Variants in RASAL2 observed in about 807,000 individuals in gnomAD.
RASAL2 encodes the protein ras GTPase-activating protein nGAP.
A neutral mutation model predicts 128.9 loss-of-function variants in RASAL2; 58 were observed. The ratio of observed to expected loss-of-function variants is 0.45; its 90% confidence interval spans 0.36 to 0.56. The LOEUF is 0.56. RASAL2 is among the 20% of genes least tolerant of loss of function. The probability of loss-of-function intolerance (pLI) is 0.00; values close to 1 mark genes in which losing one functional copy is unlikely to be tolerated. For synonymous variants in RASAL2, 561 were observed against 580.8 expected (o/e 0.97, Z 0.49); for missense variants, 1,360 against 1,601.6 (o/e 0.85, Z 2.57).
At chr1:178,297,155 C>T (rs1048433124) in intron 2 of RASAL2, among the ~76,000 whole-genome samples, 4 of 151,978 alleles carry the variant, frequency 2.6e-5, no homozygotes, top group Non-Finnish European at 2.9e-5. Flanking sequence ...AAATAAATTA[C>T]GACAATCACA....
At chr1:178,451,128 G>A (rs540165053) in intron 9 of RASAL2, among the ~76,000 whole-genome samples, 9 of 152,254 alleles carry the variant, frequency 5.9e-5, no homozygotes, top group Non-Finnish European at 1.0e-4. Context: ...ACTTGCATCC[G>A]TGTTTGGCAC....
intron 3 of RASAL2, among the ~76,000 whole-genome samples, chr1:178,371,128 C>T (rs892777540): frequency 4.0e-5 from 6 of 151,260 alleles, no homozygotes; most frequent in Non-Finnish European, 7.4e-5. Flanking sequence ...TTTTTCTCTG[C>T]CTGGTAATAA....
intron 1 of RASAL2, among the ~76,000 whole-genome samples, chr1:178,117,871 A>G (rs1275862880): frequency 6.6e-6 from 1 of 152,176 alleles, no homozygotes; most frequent in Admixed American, 6.5e-5. Context: ...GATAGAATAT[A>G]ATAATATTCT....
At chr1:178,440,716 A>G (rs974683876) in intron 6 of RASAL2, among the ~76,000 whole-genome samples, 1 of 152,144 alleles carries the variant, frequency 6.6e-6, no homozygotes, top group Admixed American at 6.6e-5. Context: ...GGTGCTAAGT[A>G]TATAACAACA....
At chr1:178,252,039 A>G (rs1324837146) in intron 1 of RASAL2, among the ~76,000 whole-genome samples, 1 of 152,156 alleles carries the variant, frequency 6.6e-6, no homozygotes, top group African/African-American at 2.4e-5. Flanking sequence ...TTGAAAAATT[A>G]TGTTATTTAA....
Position 178,425,459 on chromosome 1 carries a change from G to A in RASAL2, c.674+4839G>A, listed in dbSNP as rs557056039. ...TTACTTAATCTATAATTCTCACTTAGATGACAAACAGATGTAGTTACCTAC... is the reference window on the plus strand; with the variant it reads ...TTACTTAATCTATAATTCTCACTTAAATGACAAACAGATGTAGTTACCTAC... On this transcript the variant is annotated intron_variant, in intron 5 of 17. Transcript: ENST00000367649. 4.6e-5 allele frequency among the ~76,000 whole-genome samples: 7 copies of A among 152,188 alleles called. No homozygotes were observed. In the South Asian group the frequency reaches 1.5e-3, roughly 32 times the overall value.
At chr1:178,106,070 C>T (rs1659076480) in intron 1 of RASAL2, among the ~76,000 whole-genome samples, 1 of 152,168 alleles carries the variant, frequency 6.6e-6, no homozygotes, top group Non-Finnish European at 1.5e-5. Flanking sequence ...TAGATGACAA[C>T]ATTATTGTTA....
intron 1 of RASAL2, among the ~76,000 whole-genome samples, chr1:178,141,325 T>A (rs1420593418): frequency 6.9e-6 from 1 of 145,946 alleles, no homozygotes; most frequent in Non-Finnish European, 1.5e-5. Flanking sequence ...TATATCCCAA[T>A]CATTGCCCCT....
intron 3 of RASAL2, among the ~76,000 whole-genome samples, chr1:178,350,209 C>T (rs893307881): frequency 6.6e-6 from 1 of 152,092 alleles, no homozygotes; most frequent in Non-Finnish European, 1.5e-5. Flanking sequence ...TACCCTGTCC[C>T]CCAGCCTTCT....
intron 3 of RASAL2, among the ~76,000 whole-genome samples, chr1:178,348,566 T>A (rs1571903175): frequency 6.6e-6 from 1 of 152,194 alleles, no homozygotes; most frequent in African/African-American, 2.4e-5. Flanking sequence ...CCCAAAGGGC[T>A]GGGATTACAG....
intron 1 of RASAL2, among the ~76,000 whole-genome samples, chr1:178,115,763 A>G (rs1053476410): frequency 1.7e-4 from 26 of 152,244 alleles, no homozygotes; most frequent in Admixed American, 9.8e-4. Context: ...ATCAGCCAGA[A>G]GGCTGCTTTG....
intron 1 of RASAL2, among the ~76,000 whole-genome samples, chr1:178,185,068 T>C (rs1354464618): frequency 3.3e-5 from 5 of 152,022 alleles, no homozygotes; most frequent in Non-Finnish European, 7.4e-5. Context: ...ATTCTCTTTT[T>C]GTTGTATGTG....
Position 178,478,232 on chromosome 1 carries a change from A to C in RASAL2, c.*4993A>C, listed in dbSNP as rs1214525085. 1 of 151,622 alleles carries C rather than the reference A, an allele frequency of 6.6e-6. No individual in the cohort carries two copies. Among genetic ancestry groups the C allele is most frequent in the Non-Finnish European group, 1.5e-5 (1 of 67,968 alleles). 9.4% of individuals were successfully genotyped at this position (151,622 alleles called of 1,614,324 possible). ...TTTCCACAGAAGTTGTGTTTTAGGGACCTCCATCATCTTTGTGGGGGTACA... is the reference window on the plus strand; with the variant it reads ...TTTCCACAGAAGTTGTGTTTTAGGGCCCTCCATCATCTTTGTGGGGGTACA... On this transcript the variant is annotated 3_prime_UTR_variant, in exon 18 of 18. Coordinates refer to ENST00000367649, the MANE Select transcript of RASAL2 (RefSeq NM_170692.4).
chr1:178,424,237 TTTTG>T (rs1293323554), intron 5 of RASAL2, among the ~76,000 whole-genome samples: 1 of 152,028 alleles, frequency 6.6e-6, no homozygotes, highest in Non-Finnish European at 1.5e-5. Flanking sequence ...TTTTGGTTTT[TTTTG>T]TTTGTTTGTT....
intron 3 of RASAL2, among the ~76,000 whole-genome samples, chr1:178,365,195 T>C (rs1313332586): frequency 3.3e-5 from 5 of 152,330 alleles, no homozygotes; most frequent in African/African-American, 1.2e-4. Flanking sequence ...GCTTTGCATG[T>C]CTAAGTATTG....
intron 1 of RASAL2, among the ~76,000 whole-genome samples, chr1:178,231,822 G>T (rs750003881): frequency 6.6e-6 from 1 of 152,016 alleles, no homozygotes; most frequent in African/African-American, 2.4e-5. Context: ...ATGTACAATT[G>T]TAAGATTCTC....
At chr1:178,153,517 A>G (rs1009733215) in intron 1 of RASAL2, among the ~76,000 whole-genome samples, 3 of 152,196 alleles carry the variant, frequency 2.0e-5, no homozygotes, top group Non-Finnish European at 4.4e-5. Context: ...TTCTGTCTTT[A>G]TAAATTGGCT....
intron 5 of RASAL2, among the ~76,000 whole-genome samples, chr1:178,424,525 G>A (rs772879178): frequency 1.3e-5 from 2 of 151,994 alleles, no homozygotes; most frequent in African/African-American, 4.8e-5. Flanking sequence ...GCAGTGGCAC[G>A]ATCACGGTTC....
chr1:178,299,170 A>G (rs991182789), intron 2 of RASAL2, among the ~76,000 whole-genome samples: 24 of 152,236 alleles, frequency 1.6e-4, no homozygotes, highest in African/African-American at 5.3e-4. Context: ...TGGTATCTAT[A>G]CAAGTTTCCA....
Sources: allele counts gnomAD v4.1 joint callset (sites outside exome capture counted in the v4.1 genomes callset), GRCh38; gene constraint gnomAD v4.1.1; transcripts MANE v1.5; gene names NCBI Gene and HGNC (gene_info 2026-07-23, HGNC 2026-07-21).